Variants in CELF2 observed in about 807,000 individuals in gnomAD.
CELF2 encodes CUG triplet repeat RNA-binding protein 2.
In CELF2, 8 loss-of-function variants were observed where a neutral mutation model predicts 62.6. The ratio of observed to expected loss-of-function variants is 0.13; its 90% CI spans 0.07 to 0.23. The LOEUF (loss-of-function observed/expected upper bound fraction) is 0.23. Among genes scored for constraint, CELF2 ranks in the 10% least tolerant of loss-of-function variants. The pLI is 1.00. For missense variants in CELF2, 333 were observed against 671.0 expected (o/e 0.50, Z 5.56); for synonymous variants, 258 against 250.0 (o/e 1.03, Z -0.30).
At chr10:10,729,762 G>A in the CELF2 span, among the ~76,000 whole-genome samples, 1 of 151,988 alleles carries the variant, frequency 6.6e-6, no homozygotes, top group African/African-American at 2.4e-5. Flanking sequence ...CTGGGCAACA[G>A]AGGGAGATTG....
chr10:11,121,815 G>T (rs910232643), intron 1 of CELF2, among the ~76,000 whole-genome samples: 1 of 152,034 alleles, frequency 6.6e-6, no homozygotes, highest in African/African-American at 2.4e-5. Flanking sequence ...CTTTCCGGAG[G>T]TCTTAATTCT....
At chr10:10,580,391 T>C in the CELF2 span, among the ~76,000 whole-genome samples, 1 of 152,186 alleles carries the variant, frequency 6.6e-6, no homozygotes, top group East Asian at 1.9e-4. Flanking sequence ...GTCTCCAGAT[T>C]CTATTTCTTC....
chr10:11,028,564 C>T (rs561878007), intron 1 of CELF2, among the ~76,000 whole-genome samples: 8 of 150,602 alleles, frequency 5.3e-5, no homozygotes, highest in South Asian at 2.1e-4. Flanking sequence ...GGATTACAGG[C>T]GCCCGCCACC....
the CELF2 span, among the ~76,000 whole-genome samples, chr10:10,756,967 C>T: frequency 6.6e-6 from 1 of 151,842 alleles, no homozygotes; most frequent in African/African-American, 2.4e-5. Flanking sequence ...TATGGTGAAA[C>T]CCTGTCTCTA....
chr10:11,269,306 A>C lies in CELF2; in HGVS notation c.619-1360A>C, dbSNP rs2083063551. Among the ~76,000 whole-genome samples, 1 of 152,212 alleles carries C rather than the reference A, an allele frequency of 6.6e-6. No individual in the cohort carries two copies. The highest frequency in any genetic ancestry group is 2.1e-4 in the South Asian group (1 of 4,822). ...CCAGAGCTGAAGACCAGTAGGCTGG[A>C]AGTTTAACACTGAAATATTCATCTC... On this transcript the variant is annotated intron_variant, in intron 6 of 12. Transcript: ENST00000633077. This position sits in a 1 kb window ranked among gnomAD's most constrained non-coding sequence, Gnocchi z 4.4.
chr10:10,988,754 A>G (rs932771387), intron 2 of CELF2, among the ~76,000 whole-genome samples: 4 of 152,180 alleles, frequency 2.6e-5, no homozygotes, highest in Non-Finnish European at 4.4e-5. Flanking sequence ...TTAAAATTTA[A>G]TGAAAGACAG....
intron 9 of CELF2, among the ~76,000 whole-genome samples, chr10:11,293,726 T>C (rs2092814652): frequency 6.6e-6 from 1 of 152,094 alleles, no homozygotes; most frequent in Non-Finnish European, 1.5e-5. Context: ...GTAGGGAAGG[T>C]GTGTTATTTA....
the CELF2 span, among the ~76,000 whole-genome samples, chr10:10,581,097 C>A: frequency 6.6e-6 from 1 of 152,228 alleles, no homozygotes; most frequent in East Asian, 1.9e-4. Flanking sequence ...TTTGGAATCT[C>A]CTGAAAAGGA....
At chr10:11,094,565 C>T (rs1356204641) in intron 1 of CELF2, among the ~76,000 whole-genome samples, 1 of 152,132 alleles carries the variant, frequency 6.6e-6, no homozygotes, top group African/African-American at 2.4e-5. Context: ...CAGCTTTTTC[C>T]TGACAACAAT....
chr10:11,250,589 G>T (rs2076849075), intron 4 of CELF2, among the ~76,000 whole-genome samples: 2 of 152,206 alleles, frequency 1.3e-5, no homozygotes, highest in South Asian at 4.1e-4. Context: ...GTTGCTAGGA[G>T]CTGGGGCTGC....
chr10:11,047,509 C>G (rs2063080103), intron 1 of CELF2, among the ~76,000 whole-genome samples: 1 of 152,184 alleles, frequency 6.6e-6, no homozygotes, highest in Admixed American at 6.5e-5. Flanking sequence ...ATGGCATCTT[C>G]TGATGCTGCT....
the CELF2 span, among the ~76,000 whole-genome samples, chr10:10,683,672 C>T: frequency 6.6e-6 from 1 of 152,150 alleles, no homozygotes; most frequent in Non-Finnish European, 1.5e-5. Flanking sequence ...AAAAGTTACT[C>T]AATCCTAAAA....
At chr10:10,873,353 A>T (rs1368995987) in intron 1 of CELF2, among the ~76,000 whole-genome samples, 1 of 152,188 alleles carries the variant, frequency 6.6e-6, no homozygotes, top group Admixed American at 6.5e-5. Context: ...TGAACTTAAA[A>T]TAAATAAATA....
At position 11,328,530 on chromosome 10, in the gene CELF2, G is replaced by C. The variant is rs1307268672; in HGVS notation, c.1439-396G>C. Among the ~76,000 whole-genome samples the C allele has an allele frequency of 6.6e-6, 1 of 152,182 alleles. No homozygotes were observed. The highest frequency in any genetic ancestry group is 1.5e-5 in the Non-Finnish European group (1 of 68,032). On this transcript the variant is annotated intron_variant, in intron 12 of 12. Coordinates refer to ENST00000633077, the MANE Select transcript of CELF2 (RefSeq NM_001326342.2). This position sits in a 1 kb window ranked among gnomAD's most constrained non-coding sequence, Gnocchi z 6.4. Reference sequence around the variant, plus strand: ...AGCCCCTAGGGGCCCCCACAGCCCTGAAATATTTACACCACTGCTTGTATG... The same window carrying C: ...AGCCCCTAGGGGCCCCCACAGCCCTCAAATATTTACACCACTGCTTGTATG...
chr10:10,748,900 A>C, the CELF2 span, among the ~76,000 whole-genome samples: 5 of 152,142 alleles, frequency 3.3e-5, no homozygotes, highest in East Asian at 9.6e-4. Flanking sequence ...AATTGGAAGC[A>C]GAGTCTGTAA....
At chr10:10,500,747 T>C in the CELF2 span, among the ~76,000 whole-genome samples, 1 of 152,352 alleles carries the variant, frequency 6.6e-6, no homozygotes, top group South Asian at 2.1e-4. Context: ...ATTTGCATCA[T>C]GAAGAAGACC....
chr10:11,027,525 C>A (rs1319334750), intron 1 of CELF2, among the ~76,000 whole-genome samples: 1 of 151,136 alleles, frequency 6.6e-6, no homozygotes, highest in Non-Finnish European at 1.5e-5. Flanking sequence ...ATTTACCTTT[C>A]TTTCGGGAGG....
chr10:10,514,381 G>T, the CELF2 span, among the ~76,000 whole-genome samples: 1 of 152,160 alleles, frequency 6.6e-6, no homozygotes, highest in Non-Finnish European at 1.5e-5. Context: ...CCTTTTAATA[G>T]TTATTGGGGA....
intron 1 of CELF2, among the ~76,000 whole-genome samples, chr10:11,078,859 G>A (rs1384258780): frequency 6.6e-6 from 1 of 152,206 alleles, no homozygotes; most frequent in African/African-American, 2.4e-5. Context: ...CACATCCATT[G>A]CTTTGCTTTA....
Sources: allele counts gnomAD v4.1 joint callset (sites outside exome capture counted in the v4.1 genomes callset), GRCh38; gene constraint gnomAD v4.1.1; non-coding constraint Gnocchi (gnomAD v3.1); transcripts MANE v1.5; gene names NCBI Gene and HGNC (gene_info 2026-07-23, HGNC 2026-07-21).